PLPBP: variants seen among roughly 807,000 people sequenced by gnomAD.
The protein encoded by PLPBP is pyridoxal phosphate binding protein.
In PLPBP, 21 loss-of-function variants were observed where a neutral mutation model predicts 31.2. The ratio of observed to expected loss-of-function variants is 0.67; its 90% CI spans 0.48 to 0.97. The LOEUF is 0.97. PLPBP is among the 50% of genes least tolerant of loss of function. PLPBP has a pLI of 0.00. For synonymous variants in PLPBP, 124 were observed against 135.6 expected (o/e 0.91, Z 0.59); for missense variants, 308 against 354.4 (o/e 0.87, Z 1.05).
At chr8:37,762,791 G>A (rs777621932) in intron 1 of PLPBP, 33 bp downstream of exon 1, 120 of 1,536,032 alleles carry the variant, frequency 7.8e-5, no homozygotes, top group Non-Finnish European at 1.0e-4. Flanking sequence ...GACGGTGGGC[G>A]GCCGCCTTGA....
intron 5 of PLPBP, among the ~76,000 whole-genome samples, chr8:37,773,414 C>T (rs1803825896): frequency 6.6e-6 from 1 of 151,846 alleles, no homozygotes; most frequent in East Asian, 2.0e-4. Context: ...AAGTGATCCA[C>T]CCATCTCGGC....
chr8:37,764,004 T>C (rs1803552942), intron 1 of PLPBP, among the ~76,000 whole-genome samples: 1 of 151,474 alleles, frequency 6.6e-6, no homozygotes, highest in African/African-American at 2.4e-5. Context: ...GGATGTCACA[T>C]AGGTCTGATC....
At position 37,775,494 on chromosome 8, in the gene PLPBP, C is replaced by G. The variant is rs770653616; in HGVS notation, c.597+13C>G. 1.2e-6 allele frequency: 2 copies of G among 1,613,198 alleles called. No homozygotes were observed. Among genetic ancestry groups the G allele is most frequent in the East Asian group, 4.5e-5 (2 of 44,878 alleles). Reference sequence around the variant, plus strand: ...TCCAGACTTCCAGGTACTGGGGGGTCGGGGAGATTGCTCGTGTGCTAAAGA... The same window carrying G: ...TCCAGACTTCCAGGTACTGGGGGGTGGGGGAGATTGCTCGTGTGCTAAAGA... On this transcript the variant is annotated intron_variant, in intron 6 of 7. Coordinates refer to ENST00000328195, the MANE Select transcript of PLPBP (RefSeq NM_007198.4).
Position 37,778,183 on chromosome 8 carries a change from T to G in PLPBP, c.*79T>G. The G allele has an allele frequency of 6.5e-7, 1 of 1,530,422 alleles. No homozygotes were observed. The highest frequency in any genetic ancestry group is 1.1e-5 in the South Asian group (1 of 86,976). The allele number at this position is 1,530,422 out of a possible 1,614,324, so 94.8% of individuals were successfully genotyped here. A position where few individuals can be genotyped will look rare whatever the true frequency, so the allele number is the denominator to read the frequency against. ...TATTCCCTGTGTCCCAGCGCAGTCC[T>G]GCTCTCCTGTGACCTGTGGAGAGCA... On this transcript the variant is annotated 3_prime_UTR_variant, in exon 8 of 8. Transcript: ENST00000328195.
chr8:37,765,127 G>A (rs184421451), intron 1 of PLPBP, among the ~76,000 whole-genome samples: 120 of 152,258 alleles, frequency 7.9e-4, no homozygotes, highest in African/African-American at 2.7e-3. Context: ...GCGGTGAGCC[G>A]AGATGGCACC....
intron 4 of PLPBP, among the ~76,000 whole-genome samples, chr8:37,771,681 G>T (rs1803772900): frequency 6.6e-6 from 1 of 152,172 alleles, no homozygotes; most frequent in East Asian, 1.9e-4. Flanking sequence ...GCTCTTGCAG[G>T]CTGGGCACAG....
At chr8:37,765,268 C>T (rs1161488749) in intron 1 of PLPBP, among the ~76,000 whole-genome samples, 1 of 152,252 alleles carries the variant, frequency 6.6e-6, no homozygotes, top group Non-Finnish European at 1.5e-5. Context: ...TTGCCCGGCT[C>T]TCCTGAGAGA....
chr8:37,766,459 A>G, intron 4 of PLPBP, 104 bp downstream of exon 4: 3 of 1,372,434 alleles, frequency 2.2e-6, no homozygotes, highest in Non-Finnish European at 2.9e-6. Flanking sequence ...CCAATTCACC[A>G]TTTGTTTTTG....
In PLPBP at chr8:37,775,339, G is replaced by T. The variant is rs1290911596; in HGVS notation, c.455G>T (p.Ser152Ile). The T allele has an allele frequency of 2.5e-6, 4 of 1,613,998 alleles. No individual in the cohort carries two copies. Among genetic ancestry groups the T allele is most frequent in the African/African-American group, 1.3e-5 (1 of 74,904 alleles). The part of the protein sequence containing the change: ...MVQINTSGEE[S>I]KHGLPPSETI... ...CTGTTTTCTGTTTCTTTTCTTGAAG[G>T]TAAACATGGCCTTCCACCTTCAGAG... Residue 152 changes from serine (S) to isoleucine (I), a missense_variant and splice_region_variant, in exon 6 of 8, where the codon AGT (serine) becomes ATT (isoleucine). Ser to Ile is a moderately radical substitution (Grantham distance 142). Around this residue, in one of 2 missense-constraint regions of PLPBP, gnomAD observed 188 missense variants for 259.3 expected, o/e 0.73. Coordinates refer to ENST00000328195, the MANE Select transcript of PLPBP (RefSeq NM_007198.4).
rs1803888055 is a variant in PLPBP at position 37,775,851 on chromosome 8, G to A, written c.598-67G>A. 4.2e-6 allele frequency: 6 copies of A among 1,427,838 alleles called. No homozygotes were observed. In the East Asian group the frequency reaches 1.4e-4, roughly 33 times the overall value. The allele number at this position is 1,427,838 out of a possible 1,614,324, so 88.4% of individuals were successfully genotyped here. ...ACATAACCGTTGTCAGAGAAGTTCA[G>A]ATTCAGACACTTTTGGGCATCGTTA... On this transcript the variant is annotated intron_variant, in intron 6 of 7. Coordinates refer to ENST00000328195, the MANE Select transcript of PLPBP (RefSeq NM_007198.4).
At chr8:37,768,285 A>G (rs139502556) in intron 4 of PLPBP, among the ~76,000 whole-genome samples, 20 of 152,280 alleles carry the variant, frequency 1.3e-4, no homozygotes, top group African/African-American at 4.8e-4. Flanking sequence ...GAAGTACACT[A>G]TTGTAAAGTT....
chr8:37,772,946 G>A (rs1305073254), intron 5 of PLPBP, 57 bp downstream of exon 5: 15 of 1,597,106 alleles, frequency 9.4e-6, no homozygotes, highest in Non-Finnish European at 1.3e-5. Context: ...TTGAAGCTTA[G>A]GGAGAATGGG....
intron 7 of PLPBP, among the ~76,000 whole-genome samples, chr8:37,777,302 A>G (rs1803937646): frequency 6.6e-6 from 1 of 152,234 alleles, no homozygotes; most frequent in African/African-American, 2.4e-5. Context: ...ATTTGATCAG[A>G]TAATTATAAG....
chr8:37,763,899 C>A (rs1803548830), intron 1 of PLPBP, among the ~76,000 whole-genome samples: 1 of 152,110 alleles, frequency 6.6e-6, no homozygotes, highest in East Asian at 1.9e-4. Flanking sequence ...CTAAATCGTG[C>A]AAGGATAAAC....
At chr8:37,764,902 G>A (rs1803580134) in intron 1 of PLPBP, among the ~76,000 whole-genome samples, 1 of 152,210 alleles carries the variant, frequency 6.6e-6, no homozygotes, top group Non-Finnish European at 1.5e-5. Context: ...TGGGCACAGT[G>A]GCTCATGCCT....
chr8:37,774,392 T>G (rs1011343087), intron 5 of PLPBP, among the ~76,000 whole-genome samples: 4 of 152,238 alleles, frequency 2.6e-5, no homozygotes, highest in African/African-American at 9.6e-5. Flanking sequence ...CTAATCTCTC[T>G]GTACTTCAGT....
intron 5 of PLPBP, among the ~76,000 whole-genome samples, chr8:37,773,399 C>T (rs1803825599): frequency 6.6e-6 from 1 of 151,482 alleles, no homozygotes; most frequent in Non-Finnish European, 1.5e-5. Flanking sequence ...AGCTCATGAC[C>T]TCTCAAGTGA....
Position 37,774,009 on chromosome 8 carries a change from G to A in PLPBP, c.454+1120G>A, listed in dbSNP as rs769752156. 2.6e-5 allele frequency among the ~76,000 whole-genome samples: 4 copies of A among 151,786 alleles called. No homozygotes were observed. The South Asian group carries it at 6.2e-4, about 24-fold the overall frequency. The stretch of plus-strand genomic sequence containing the variant: ...GTGGATCACCTGAGGTCAGAAATTC[G>A]ATACCAGCCTAGCCAACATGATGAA... On this transcript the variant is annotated intron_variant, in intron 5 of 7. Coordinates refer to ENST00000328195, the MANE Select transcript of PLPBP (RefSeq NM_007198.4).
At chr8:37,762,582 CG>C, upstream of PLPBP, 1 of 1,515,116 alleles carries the variant, frequency 6.6e-7, no homozygotes, top group Non-Finnish European at 8.8e-7. Context: ...GTTCACACGG[CG>C]CAAGCTGGGC....
Sources: allele counts gnomAD v4.1 joint callset (sites outside exome capture counted in the v4.1 genomes callset), GRCh38; gene constraint gnomAD v4.1.1; regional missense constraint gnomAD v4.1.1; transcripts MANE v1.5; gene names NCBI Gene and HGNC (gene_info 2026-07-23, HGNC 2026-07-21).